Variants in SUFU observed in about 807,000 individuals in gnomAD.
SUFU encodes the protein SUFU negative regulator of hedgehog signaling, also known as suppressor of fused homolog.
In SUFU, 7 loss-of-function variants were observed where a neutral mutation model predicts 58.9. The observed-to-expected ratio is 0.12, with a 90% CI of 0.07 to 0.22. The LOEUF (loss-of-function observed/expected upper bound fraction) is 0.22, where lower values mean the gene tolerates loss of function less well. Ranked by LOEUF, SUFU falls within the 10% of genes least tolerant of loss-of-function variation. The pLI is 1.00. For missense variants in SUFU, 451 were observed against 641.3 expected, an observed-to-expected ratio of 0.70 and a Z score of 3.20; for synonymous variants, 232 against 254.8, an observed-to-expected ratio of 0.91 and a Z score of 0.85.
intron 2 of SUFU, among the ~76,000 whole-genome samples, chr10:102,544,709 A>G (rs1348912516): frequency 6.6e-6 from 1 of 152,164 alleles, no homozygotes; most frequent in Non-Finnish European, 1.5e-5. Context: ...AAAAACAACA[A>G]CAACAAAAAA....
intron 8 of SUFU, among the ~76,000 whole-genome samples, chr10:102,609,172 A>T (rs1424357478): frequency 1.3e-5 from 2 of 152,168 alleles, no homozygotes; most frequent in African/African-American, 4.8e-5. Context: ...CAGTGTCTTT[A>T]TCTGTAAAAT....
At chr10:102,510,937 A>G (rs915655024) in intron 2 of SUFU, among the ~76,000 whole-genome samples, 1 of 152,004 alleles carries the variant, frequency 6.6e-6, no homozygotes, top group Non-Finnish European at 1.5e-5. Context: ...CCTGACCAAC[A>G]TGGAGAAACC....
chr10:102,550,099 C>A lies in SUFU; in HGVS notation c.447C>A (p.Phe149Leu). Residue 149 changes from phenylalanine to leucine, a missense_variant, in exon 3 of 12, where the codon TTC becomes TTA. Transcript: ENST00000369902. ...TGCAGGGCTTGGCACGATACGTGTT[C>A]CAGTCAGGTAGGAGGCCAGGGCTGG... ...ELMQGLARYV[F>L]QSENTFCSGD... The A allele has an allele frequency of 6.2e-7, 1 of 1,614,152 alleles. No individual in the cohort carries two copies. The highest frequency in any genetic ancestry group is 1.1e-5 in the South Asian group (1 of 91,080).
At chr10:102,560,240 C>T (rs2063022727) in intron 3 of SUFU, among the ~76,000 whole-genome samples, 1 of 152,088 alleles carries the variant, frequency 6.6e-6, no homozygotes, top group South Asian at 2.1e-4. Flanking sequence ...TTCCTCTTTC[C>T]AGGTTTTGTT....
At chr10:102,590,631 A>C (rs2063389967) in intron 3 of SUFU, among the ~76,000 whole-genome samples, 1 of 151,946 alleles carries the variant, frequency 6.6e-6, no homozygotes, top group Admixed American at 6.6e-5. Flanking sequence ...ATTAGAAATT[A>C]TTTCTTTTAT....
chr10:102,539,496 ATAAT>A (rs2062776050), intron 2 of SUFU, among the ~76,000 whole-genome samples: 1 of 152,198 alleles, frequency 6.6e-6, no homozygotes, highest in East Asian at 1.9e-4. Context: ...TTTTCCATTA[ATAAT>A]TAATAAGTAA....
At chr10:102,543,199 C>A (rs887692795) in intron 2 of SUFU, among the ~76,000 whole-genome samples, 1 of 152,156 alleles carries the variant, frequency 6.6e-6, no homozygotes, top group African/African-American at 2.4e-5. Context: ...AGTGTCTCTT[C>A]CCCCACAACC....
At chr10:102,557,562 G>A (rs1030888898) in intron 3 of SUFU, among the ~76,000 whole-genome samples, 1 of 152,100 alleles carries the variant, frequency 6.6e-6, no homozygotes, top group Non-Finnish European at 1.5e-5. Context: ...AGGCTGCAGT[G>A]AGCCATGATC....
intron 3 of SUFU, among the ~76,000 whole-genome samples, chr10:102,560,867 T>C (rs974743213): frequency 3.3e-5 from 5 of 152,180 alleles, no homozygotes; most frequent in African/African-American, 7.2e-5. Context: ...GATGGAGATT[T>C]ACTCTTGTTG....
intron 3 of SUFU, among the ~76,000 whole-genome samples, chr10:102,559,111 C>T (rs1033036799): frequency 6.6e-6 from 1 of 152,200 alleles, no homozygotes; most frequent in Non-Finnish European, 1.5e-5. Flanking sequence ...ATGATCCTAG[C>T]GTCCTGATCA....
At chr10:102,590,827 G>A (rs958872753) in intron 3 of SUFU, 17 of 152,166 alleles carry the variant, frequency 1.1e-4, no homozygotes, top group African/African-American at 3.9e-4. Flanking sequence ...CAGGTTGCTT[G>A]TAGAAACACA....
intron 3 of SUFU, among the ~76,000 whole-genome samples, chr10:102,589,148 T>A (rs1317241690): frequency 6.6e-6 from 1 of 152,078 alleles, no homozygotes; most frequent in East Asian, 1.9e-4. Flanking sequence ...GGCTGGTCTC[T>A]AACTGCCAGG....
chr10:102,587,198 A>G (rs535563701), intron 3 of SUFU, among the ~76,000 whole-genome samples: 2 of 152,256 alleles, frequency 1.3e-5, no homozygotes, highest in African/African-American at 4.8e-5. Context: ...CCATGCTTTC[A>G]GTTATTTTGG....
intron 3 of SUFU, among the ~76,000 whole-genome samples, chr10:102,557,435 T>C (rs10786680): frequency 0.45 from 68,787 of 151,432 alleles, 15,995 homozygotes; most frequent in East Asian, 0.67. Context: ...AGTGAAAAGA[T>C]TGAAAAAATT....
At chr10:102,612,169 TTGTGTGTGTGTGTGTGTGTG>T (rs34032732) in intron 8 of SUFU, among the ~76,000 whole-genome samples, 58 of 148,258 alleles carry the variant, frequency 3.9e-4, no homozygotes, top group East Asian at 9.8e-4. Context: ...AACTGGGTTC[TTGTGTGTGTGTGTGTGTGTG>T]TGTGTGTGTG....
chr10:102,519,272 C>T (rs369901714), intron 2 of SUFU, among the ~76,000 whole-genome samples: 1 of 151,952 alleles, frequency 6.6e-6, no homozygotes, highest in African/African-American at 2.4e-5. Context: ...CTCGTGTAAT[C>T]CCAGCACTTT....
intron 3 of SUFU, among the ~76,000 whole-genome samples, chr10:102,589,603 G>A (rs920311695): frequency 6.6e-6 from 1 of 151,654 alleles, no homozygotes; most frequent in Non-Finnish European, 1.5e-5. Flanking sequence ...ACGCCACCAC[G>A]CCTGGCTAAT....
At chr10:102,612,410 A>C (rs2063636547) in intron 8 of SUFU, among the ~76,000 whole-genome samples, 1 of 152,086 alleles carries the variant, frequency 6.6e-6, no homozygotes, top group Non-Finnish European at 1.5e-5. Context: ...CAGATGATTA[A>C]GTTCTTTTCC....
intron 2 of SUFU, among the ~76,000 whole-genome samples, chr10:102,516,891 AGGT>A (rs959811012): frequency 4.0e-5 from 6 of 151,134 alleles, no homozygotes; most frequent in African/African-American, 1.2e-4. Context: ...TGGGAGGCTG[AGGT>A]GGGCGGATCA....
Sources: gnomAD v4.1 joint callset for allele counts (sites outside exome capture counted in the v4.1 genomes callset) on GRCh38, gnomAD v4.1.1 for gene constraint, MANE v1.5 for transcripts, NCBI Gene and HGNC (gene_info 2026-07-23, HGNC 2026-07-21) for gene names.